The following CBX6 variants were observed in gnomAD, a reference collection of about 807,000 sequenced individuals.
The protein encoded by CBX6 is chromobox 6.
Under a neutral mutation model 28.4 loss-of-function variants are expected in CBX6, and 7 were observed. The ratio of observed to expected loss-of-function variants is 0.25; its 90% confidence interval spans 0.14 to 0.46. The LOEUF is 0.46. Among genes scored for constraint, CBX6 ranks in the 20% least tolerant of loss-of-function variants. CBX6 has a pLI of 0.99. For synonymous variants in CBX6, 297 were observed against 273.4 expected (o/e 1.09, Z -0.85); for missense variants, 512 against 606.1 (o/e 0.84, Z 1.63).
Position 38,866,243 on chromosome 22 carries a change from G to A in CBX6, c.1205C>T (p.Ala402Val), listed in dbSNP as rs2093169092. 2 of 1,612,816 alleles carry A rather than the reference G, an allele frequency of 1.2e-6. No homozygotes were observed. Among genetic ancestry groups the A allele is most frequent in the African/African-American group, 1.3e-5 (1 of 74,924 alleles). Residue 402 changes from alanine (A) to valine (V), a missense_variant, in exon 5 of 5, where the codon GCT (alanine) becomes GTT (valine). Coordinates refer to ENST00000407418, the MANE Select transcript of CBX6 (RefSeq NM_014292.5). This position sits in a 1 kb window ranked among gnomAD's most constrained non-coding sequence, Gnocchi z 7.5. ...CGCCCCAATGCTGCCACCGCCCCCA[G>A]CGGCGCCTGCTACCCCAGCAGCCAC... ...EKVAAGVAGA[A>V]GGGGSIGASK is the part of the protein sequence containing the mutation.
Position 38,862,552 on chromosome 22 carries a change from AAGAAAAAAGAAAAAC to A in CBX6, c.*3642_*3656del, listed in dbSNP as rs1428301324. The A allele has an allele frequency of 1.3e-5, 2 of 150,120 alleles. No homozygotes were observed. The highest frequency in any genetic ancestry group is 2.1e-4 in the South Asian group (1 of 4,810). 9.3% of individuals were successfully genotyped at this position (150,120 alleles called of 1,614,324 possible). A position where few individuals can be genotyped will look rare whatever the true frequency, so the allele number is the denominator to read the frequency against. Reference sequence around the variant, plus strand: ...AAAAAAAAAAAAAAAAAAAGAAAGAAAGAAAAAAGAAAAACAAAAGAAAAAAGAAAAACCACCACA... The same window carrying A: ...AAAAAAAAAAAAAAAAAAAGAAAGAAAAAAGAAAAAAGAAAAACCACCACA... On this transcript the variant is annotated 3_prime_UTR_variant, in exon 5 of 5. Coordinates refer to ENST00000407418, the MANE Select transcript of CBX6 (RefSeq NM_014292.5).
Position 38,866,646 on chromosome 22 carries a change from A to G in CBX6, c.802T>C (p.Tyr268His). ...GLLLAAPAAP[Y>H]DARSSGSSGC... The stretch of plus-strand genomic sequence containing the variant: ...GAGGAGCCAGAGCTGCGGGCGTCGT[A>G]GGGGGCGGCGGGGGCGGCCAGAAGT... Residue 268 changes from tyrosine to histidine, a missense_variant, in exon 5 of 5, where the codon TAC becomes CAC. Tyr to His is a moderately conservative substitution (Grantham distance 83). Around this residue, in one of 7 missense-constraint regions of CBX6, gnomAD observed 290 missense variants for 274.1 expected, o/e 1.06. Transcript: ENST00000407418. The surrounding 1 kb of genome is among the most constrained non-coding windows in gnomAD (Gnocchi z 7.5). The G allele has an allele frequency of 8.6e-7, 1 of 1,159,658 alleles. No individual in the cohort carries two copies. The highest frequency in any genetic ancestry group is 1.1e-6 in the Non-Finnish European group (1 of 929,328). The allele number at this position is 1,159,658 out of a possible 1,614,324, so 71.8% of individuals were successfully genotyped here.
intron 4 of CBX6, among the ~76,000 whole-genome samples, chr22:38,868,263 ACT>A (rs2093175049): frequency 6.6e-6 from 1 of 151,778 alleles, no homozygotes; most frequent in Admixed American, 6.6e-5. Context: ...ACACGCACAG[ACT>A]CTCCCCTGGA....
intron 4 of CBX6, among the ~76,000 whole-genome samples, chr22:38,868,730 G>A (rs905236335): frequency 1.3e-5 from 2 of 152,074 alleles, no homozygotes; most frequent in African/African-American, 4.8e-5. Flanking sequence ...CCCCACGGTT[G>A]GTCTGTGAGG....
rs1292686784 is a variant in CBX6, at chr22:38,866,188, C to T, written c.*21G>A. ...TCGGGCAGGAGGGCCCCCCCAAGCCCCCCTCCTTGGTGGAGCCCCCTCACT... is the reference window on the plus strand; with the variant it reads ...TCGGGCAGGAGGGCCCCCCCAAGCCTCCCTCCTTGGTGGAGCCCCCTCACT... On this transcript the variant is annotated 3_prime_UTR_variant, in exon 5 of 5. Transcript: ENST00000407418. This position sits in a 1 kb window ranked among gnomAD's most constrained non-coding sequence, Gnocchi z 7.5. 1 of 1,541,554 alleles carries T rather than the reference C, an allele frequency of 6.5e-7. No individual in the cohort carries two copies. The highest frequency in any genetic ancestry group is 8.9e-7 in the Non-Finnish European group (1 of 1,129,072).
chr22:38,872,145 TG>T lies in CBX6; in HGVS notation c.45del (p.Ile16SerfsTer15). The part of the protein sequence containing the change: ...AVGERVFAAE[S>X]IIKRRIRKGR... ...ACCTTTCGGATCCGCCGTTTGATGATGGATTCGGCCGCGAAGACCCGCTCGC... is the reference window on the plus strand; with the variant it reads ...ACCTTTCGGATCCGCCGTTTGATGATGATTCGGCCGCGAAGACCCGCTCGC... On this transcript the variant is annotated frameshift_variant, in exon 1 of 5. Coordinates refer to ENST00000407418, the MANE Select transcript of CBX6 (RefSeq NM_014292.5). LOFTEE classifies it high-confidence loss of function. The surrounding 1 kb of genome is among the most constrained non-coding windows in gnomAD (Gnocchi z 5.0). 7.0e-7 allele frequency: 1 copy of T among 1,427,114 alleles called. No individual in the cohort carries two copies. The highest frequency in any genetic ancestry group is 9.3e-7 in the Non-Finnish European group (1 of 1,074,930). The allele number at this position is 1,427,114 out of a possible 1,614,324, so 88.4% of individuals were successfully genotyped here.
chr22:38,870,842 A>G lies in CBX6; in HGVS notation c.246+638T>C, dbSNP rs2093180356. 1.3e-5 allele frequency: 2 copies of G among 152,900 alleles called. No homozygotes were observed. Among genetic ancestry groups the G allele is most frequent in the African/African-American group, 4.8e-5 (2 of 41,468 alleles). 9.5% of individuals were successfully genotyped at this position (152,900 alleles called of 1,614,324 possible). On this transcript the variant is annotated intron_variant, in intron 4 of 4. Transcript: ENST00000407418. The surrounding 1 kb of genome is among the most constrained non-coding windows in gnomAD (Gnocchi z 4.3). ...TCTTCCCTCCCTAGCAGAGACTAAT[A>G]TGCTATGCTCTCACTCCCACATCCC...
Position 38,871,168 on chromosome 22 carries a change from C to T in CBX6, c.246+312G>A. 4.2e-6 allele frequency: 2 copies of T among 472,894 alleles called. No individual in the cohort carries two copies. Among genetic ancestry groups the T allele is most frequent in the Non-Finnish European group, 7.6e-6 (2 of 264,216 alleles). 29.3% of individuals were successfully genotyped at this position (472,894 alleles called of 1,614,324 possible). A position where few individuals can be genotyped will look rare whatever the true frequency, so the allele number is the denominator to read the frequency against. ...AGTCATAACAGCTCAAACAAATGCC[C>T]CCTTCCCATGGGCATCCCCCACCTG... is the stretch of plus-strand genomic sequence containing the variant. On this transcript the variant is annotated intron_variant, in intron 4 of 4. Coordinates refer to ENST00000407418, the MANE Select transcript of CBX6 (RefSeq NM_014292.5). The surrounding 1 kb of genome is among the most constrained non-coding windows in gnomAD (Gnocchi z 5.6).
rs1383213906 is a variant in CBX6, at chr22:38,863,310, G to C, written c.*2899C>G. ...TTGGGTGGGGAGGGGGCGCACTTAA[G>C]GGGAGATGACGGATGCCCCAACCAA... On this transcript the variant is annotated 3_prime_UTR_variant, in exon 5 of 5. Transcript: ENST00000407418. The C allele has an allele frequency of 1.3e-5, 2 of 152,148 alleles. No homozygotes were observed. Among genetic ancestry groups the C allele is most frequent in the Non-Finnish European group, 2.9e-5 (2 of 68,040 alleles). 9.4% of individuals were successfully genotyped at this position (152,148 alleles called of 1,614,324 possible). A position where few individuals can be genotyped will look rare whatever the true frequency, so the allele number is the denominator to read the frequency against.
At chr22:38,869,559 ATTAT>A (rs1419339197) in intron 4 of CBX6, 2 of 152,116 alleles carry the variant, frequency 1.3e-5, no homozygotes, top group Non-Finnish European at 2.9e-5. Context: ...CTTTCTATAT[ATTAT>A]TATTTTTTAA....
At position 38,872,100 on chromosome 22, in the gene CBX6, C is replaced by T; in HGVS notation, c.69+22G>A. On this transcript the variant is annotated intron_variant, in intron 1 of 4. Coordinates refer to ENST00000407418, the MANE Select transcript of CBX6 (RefSeq NM_014292.5). The surrounding 1 kb of genome is among the most constrained non-coding windows in gnomAD (Gnocchi z 5.0). ...CGGCCCCGGCTGCGGACAGCGGCGG[C>T]CCGCCCCGGGCGGCGGCTCACCTTT... 3 of 1,364,106 alleles carry T rather than the reference C, an allele frequency of 2.2e-6. No homozygotes were observed. Among genetic ancestry groups the T allele is most frequent in the South Asian group, 1.5e-5 (1 of 65,088 alleles). 84.5% of individuals were successfully genotyped at this position (1,364,106 alleles called of 1,614,324 possible). A position where few individuals can be genotyped will look rare whatever the true frequency, so the allele number is the denominator to read the frequency against.
Position 38,866,178 on chromosome 22 carries a change from C to G in CBX6, c.*31G>C. 6.7e-7 allele frequency: 1 copy of G among 1,485,218 alleles called. No homozygotes were observed. Among genetic ancestry groups the G allele is most frequent in the South Asian group, 1.2e-5 (1 of 82,574 alleles). 92.0% of individuals were successfully genotyped at this position (1,485,218 alleles called of 1,614,324 possible). On this transcript the variant is annotated 3_prime_UTR_variant, in exon 5 of 5. Transcript: ENST00000407418. The surrounding 1 kb of genome is among the most constrained non-coding windows in gnomAD (Gnocchi z 7.5). Reference sequence around the variant, plus strand: ...GAGTATGACTTCGGGCAGGAGGGCCCCCCCAAGCCCCCCTCCTTGGTGGAG... The same window carrying G: ...GAGTATGACTTCGGGCAGGAGGGCCGCCCCAAGCCCCCCTCCTTGGTGGAG...
rs1003902881 is a variant in CBX6 at position 38,871,969 on chromosome 22, C to T, written c.70-24G>A. ...CCCTGAAAAACAGAGGGGAGAAAAA[C>T]GGGGGTGGGGGTGGGGAGGATGCGG... On this transcript the variant is annotated intron_variant, in intron 1 of 4. Coordinates refer to ENST00000407418, the MANE Select transcript of CBX6 (RefSeq NM_014292.5). The surrounding 1 kb of genome is among the most constrained non-coding windows in gnomAD (Gnocchi z 5.6). 7 of 1,355,794 alleles carry T rather than the reference C, an allele frequency of 5.2e-6. No homozygotes were observed. The highest frequency in any genetic ancestry group is 1.3e-5 in the South Asian group (1 of 77,028). The allele number at this position is 1,355,794 out of a possible 1,614,324, so 84.0% of individuals were successfully genotyped here.
In CBX6 at chr22:38,872,109, G is replaced by C; in HGVS notation, c.69+13C>G. ...CTGCGGACAGCGGCGGCCCGCCCCGGGCGGCGGCTCACCTTTCGGATCCGC... is the reference window on the plus strand; with the variant it reads ...CTGCGGACAGCGGCGGCCCGCCCCGCGCGGCGGCTCACCTTTCGGATCCGC... On this transcript the variant is annotated intron_variant, in intron 1 of 4. Coordinates refer to ENST00000407418, the MANE Select transcript of CBX6 (RefSeq NM_014292.5). This position sits in a 1 kb window ranked among gnomAD's most constrained non-coding sequence, Gnocchi z 5.0. 7.2e-7 allele frequency: 1 copy of C among 1,379,358 alleles called. No individual in the cohort carries two copies. The highest frequency in any genetic ancestry group is 9.5e-7 in the Non-Finnish European group (1 of 1,053,352). The allele number at this position is 1,379,358 out of a possible 1,614,324, so 85.4% of individuals were successfully genotyped here. A position where few individuals can be genotyped will look rare whatever the true frequency, so the allele number is the denominator to read the frequency against.
rs754177001 is a variant in CBX6 at position 38,867,213 on chromosome 22, G to A, written c.247-12C>T. The A allele has an allele frequency of 1.3e-6, 2 of 1,526,418 alleles. No individual in the cohort carries two copies. The highest frequency in any genetic ancestry group is 8.8e-7 in the Non-Finnish European group (1 of 1,140,664). 94.6% of individuals were successfully genotyped at this position (1,526,418 alleles called of 1,614,324 possible). On this transcript the variant is annotated splice_polypyrimidine_tract_variant and intron_variant, in intron 4 of 4. Coordinates refer to ENST00000407418, the MANE Select transcript of CBX6 (RefSeq NM_014292.5). ...GCCTGGGCCCGCGCCTGCGGGCAGAGGGAGGGGTGGGTGGGACCTCAGGAC... is the reference window on the plus strand; with the variant it reads ...GCCTGGGCCCGCGCCTGCGGGCAGAAGGAGGGGTGGGTGGGACCTCAGGAC...
In CBX6 at chr22:38,866,195, T is replaced by C; in HGVS notation, c.*14A>G. ...GGAGGGCCCCCCCAAGCCCCCCTCC[T>C]TGGTGGAGCCCCCTCACTTGCTCGC... On this transcript the variant is annotated 3_prime_UTR_variant, in exon 5 of 5. Transcript: ENST00000407418. The surrounding 1 kb of genome is among the most constrained non-coding windows in gnomAD (Gnocchi z 7.5). 6 of 1,511,598 alleles carry C rather than the reference T, an allele frequency of 4.0e-6. No homozygotes were observed. The highest frequency in any genetic ancestry group is 1.8e-5 in the Admixed American group (1 of 57,010). 93.6% of individuals were successfully genotyped at this position (1,511,598 alleles called of 1,614,324 possible). A position where few individuals can be genotyped will look rare whatever the true frequency, so the allele number is the denominator to read the frequency against.
chr22:38,872,113 G>T lies in CBX6; in HGVS notation c.69+9C>A. 2 of 1,386,612 alleles carry T rather than the reference G, an allele frequency of 1.4e-6. No individual in the cohort carries two copies. Among genetic ancestry groups the T allele is most frequent in the South Asian group, 1.4e-5 (1 of 69,674 alleles). 85.9% of individuals were successfully genotyped at this position (1,386,612 alleles called of 1,614,324 possible). On this transcript the variant is annotated intron_variant, in intron 1 of 4. Coordinates refer to ENST00000407418, the MANE Select transcript of CBX6 (RefSeq NM_014292.5). The surrounding 1 kb of genome is among the most constrained non-coding windows in gnomAD (Gnocchi z 5.0). ...GGACAGCGGCGGCCCGCCCCGGGCG[G>T]CGGCTCACCTTTCGGATCCGCCGTT...
In CBX6 at chr22:38,865,884, A is replaced by C; in HGVS notation, c.*325T>G. 3.0e-6 allele frequency: 1 copy of C among 335,816 alleles called. No homozygotes were observed. The highest frequency in any genetic ancestry group is 6.1e-5 in the South Asian group (1 of 16,476). 20.8% of individuals were successfully genotyped at this position (335,816 alleles called of 1,614,324 possible). On this transcript the variant is annotated 3_prime_UTR_variant, in exon 5 of 5. Transcript: ENST00000407418. ...TTAGCACCGAGAAATCAGACGCCGCACAGGAGAGCAGGAAGCAAGCTAGAG... is the reference window on the plus strand; with the variant it reads ...TTAGCACCGAGAAATCAGACGCCGCCCAGGAGAGCAGGAAGCAAGCTAGAG...
In CBX6 at chr22:38,871,982, G is replaced by A. The variant is rs1398854821; in HGVS notation, c.70-37C>T. On this transcript the variant is annotated intron_variant, in intron 1 of 4. Coordinates refer to ENST00000407418, the MANE Select transcript of CBX6 (RefSeq NM_014292.5). The surrounding 1 kb of genome is among the most constrained non-coding windows in gnomAD (Gnocchi z 5.6). ...AGGGGAGAAAAACGGGGGTGGGGGT[G>A]GGGAGGATGCGGGGACGCGAGGAGG... 6.8e-7 allele frequency: 1 copy of A among 1,481,304 alleles called. No homozygotes were observed. Among genetic ancestry groups the A allele is most frequent in the Non-Finnish European group, 9.0e-7 (1 of 1,109,452 alleles). The allele number at this position is 1,481,304 out of a possible 1,614,324, so 91.8% of individuals were successfully genotyped here.
Sources: allele counts gnomAD v4.1 joint callset (sites outside exome capture counted in the v4.1 genomes callset), GRCh38; gene constraint gnomAD v4.1.1; regional missense constraint gnomAD v4.1.1; non-coding constraint Gnocchi (gnomAD v3.1); transcripts MANE v1.5; gene names NCBI Gene and HGNC (gene_info 2026-07-23, HGNC 2026-07-21).